The following TNFAIP3 variants were observed in gnomAD, a reference collection of about 807,000 sequenced individuals.
The protein encoded by TNFAIP3 is TNF alpha induced protein 3.
A neutral mutation model predicts 72.4 loss-of-function variants in TNFAIP3; 9 were observed. The observed-to-expected ratio is 0.12, with a 90% confidence interval of 0.07 to 0.22. The LOEUF is 0.22. TNFAIP3 is among the 10% of genes least tolerant of loss of function. The pLI is 1.00. For synonymous variants in TNFAIP3, 339 were observed against 372.6 expected (o/e 0.91, Z 1.04); for missense variants, 833 against 1,018.7 (o/e 0.82, Z 2.48).
At chr6:137,873,304 A>G (rs557965618) in intron 2 of TNFAIP3, among the ~76,000 whole-genome samples, 197 of 152,302 alleles carry the variant, frequency 1.3e-3, no homozygotes, top group Non-Finnish European at 2.2e-3. Context: ...GTGATTCACA[A>G]GTTTGCATTT....
At chr6:137,869,337 A>AGATGGATGGATGGATG (rs71009567) in intron 1 of TNFAIP3, among the ~76,000 whole-genome samples, 51 of 145,146 alleles carry the variant, frequency 3.5e-4, no homozygotes, top group East Asian at 1.2e-3. Context: ...ATGGATGGAT[A>AGATGGATGGATGGATG]GATGGATGGA....
At position 137,879,171 on chromosome 6, in the gene TNFAIP3, C is replaced by T. The variant is rs1371049929; in HGVS notation, c.1726C>T (p.Pro576Ser). 1 of 1,614,192 alleles carries T rather than the reference C, an allele frequency of 6.2e-7. No individual in the cohort carries two copies. The highest frequency in any genetic ancestry group is 1.7e-5 in the Admixed American group (1 of 60,028). Residue 576 changes from proline (P) to serine (S), a missense_variant, in exon 7 of 9, where the codon CCG becomes TCG. Coordinates refer to ENST00000612899, the MANE Select transcript of TNFAIP3 (RefSeq NM_001270508.2). ...DPSRLVRSPS[P>S]HSCHRAGNDA... ...CTCGCGGCTCGTCCGGAGCCCCTCCCCGCATTCTTGCCACAGAGCTGGAAA... is the reference window on the plus strand; with the variant it reads ...CTCGCGGCTCGTCCGGAGCCCCTCCTCGCATTCTTGCCACAGAGCTGGAAA...
chr6:137,875,020 T>C lies in TNFAIP3; in HGVS notation c.471T>C (p.Leu157=). 1 of 1,614,138 alleles carries C rather than the reference T, an allele frequency of 6.2e-7. No individual in the cohort carries two copies. Among genetic ancestry groups the C allele is most frequent in the African/African-American group, 1.3e-5 (1 of 75,060 alleles). The part of the protein sequence containing the change: ...LKSQEFVETG[L]CYDTRNWNDE... The stretch of plus-strand genomic sequence containing the variant: ...CTCAGGAATTTGTTGAAACGGGGCT[T>C]TGCTATGATACTCGGGTAGGTTTTT... Residue 157 remains leucine, a synonymous_variant, in exon 3 of 9, where the codon CTT becomes CTC. Coordinates refer to ENST00000612899, the MANE Select transcript of TNFAIP3 (RefSeq NM_001270508.2).
At chr6:137,878,340 C>A in intron 6 of TNFAIP3, 92 bp from the exon 7 acceptor site, 2 of 1,168,366 alleles carry the variant, frequency 1.7e-6, no homozygotes, top group Non-Finnish European at 2.4e-6. Flanking sequence ...CCATAATCCA[C>A]ATTCTAAAAC....
chr6:137,868,616 T>C (rs555224160), intron 1 of TNFAIP3, among the ~76,000 whole-genome samples: 2 of 152,236 alleles, frequency 1.3e-5, no homozygotes, highest in South Asian at 4.1e-4. Context: ...GGAGAAGAGT[T>C]TGAGTAACGG....
In TNFAIP3 at chr6:137,879,256, C is replaced by T. The variant is rs564646155; in HGVS notation, c.1811C>T (p.Thr604Met). 66 of 1,614,034 alleles carry T rather than the reference C, an allele frequency of 4.1e-5. No homozygotes were observed. Among genetic ancestry groups the T allele is most frequent in the Non-Finnish European group, 5.5e-5 (65 of 1,180,032 alleles). ...AARTPGDRTG[T>M]SKCRKAGCVY... ...CGGACTCCTGGGGACAGGACGGGGA[C>T]GAGCAAGTGCAGAAAAGCCGGCTGC... The change falls in exon 7 of 9, where the codon ACG becomes ATG. Residue 604 changes from threonine to methionine, a missense_variant. Thr to Met is a moderately conservative substitution (Grantham distance 81). Coordinates refer to ENST00000612899, the MANE Select transcript of TNFAIP3 (RefSeq NM_001270508.2).
At chr6:137,872,527 A>G (rs1776095395) in intron 2 of TNFAIP3, among the ~76,000 whole-genome samples, 1 of 152,174 alleles carries the variant, frequency 6.6e-6, no homozygotes, top group Non-Finnish European at 1.5e-5. Flanking sequence ...CTTCATTCAA[A>G]AGCCAAGTAC....
chr6:137,868,814 G>A (rs1287079618), intron 1 of TNFAIP3, among the ~76,000 whole-genome samples: 1 of 152,156 alleles, frequency 6.6e-6, no homozygotes, highest in Non-Finnish European at 1.5e-5. Context: ...TCTGGGCAGT[G>A]GGTTTTGATT....
intron 1 of TNFAIP3, among the ~76,000 whole-genome samples, chr6:137,868,427 T>C (rs144162409): frequency 2.6e-5 from 4 of 152,340 alleles, no homozygotes; most frequent in Admixed American, 6.5e-5. Context: ...AGCCAATGAA[T>C]GCTTCATTCT....
At chr6:137,870,297 GT>G (rs974346172) in intron 1 of TNFAIP3, among the ~76,000 whole-genome samples, 2 of 151,902 alleles carry the variant, frequency 1.3e-5, no homozygotes, top group African/African-American at 2.4e-5. Flanking sequence ...TTCATTTTTT[GT>G]TTTCGTAGAG....
chr6:137,880,005 T>G lies in TNFAIP3; in HGVS notation c.1907-66T>G, dbSNP rs1776391738. 5 of 1,433,882 alleles carry G rather than the reference T, an allele frequency of 3.5e-6. No homozygotes were observed. The South Asian group carries it at 4.7e-5, about 13-fold the overall frequency. The allele number at this position is 1,433,882 out of a possible 1,614,324, so 88.8% of individuals were successfully genotyped here. On this transcript the variant is annotated intron_variant, in intron 7 of 8. Coordinates refer to ENST00000612899, the MANE Select transcript of TNFAIP3 (RefSeq NM_001270508.2). ...ATTTGGAACCCATTTATTTCTCTAC[T>G]GTCAGCATCTCTGTATCGGTGGGGT... is the stretch of plus-strand genomic sequence containing the variant.
At chr6:137,880,632 C>G (rs999811769) in intron 8 of TNFAIP3, among the ~76,000 whole-genome samples, 1 of 57,486 alleles carries the variant, frequency 1.7e-5, no homozygotes, top group Non-Finnish European at 3.3e-5. Context: ...AGCGAACAGA[C>G]AGAGCTTCCC....
At chr6:137,878,379 C>A (rs2114495926) in intron 6 of TNFAIP3, 53 bp from the exon 7 acceptor site, 2 of 1,481,924 alleles carry the variant, frequency 1.3e-6, no homozygotes, top group African/African-American at 2.8e-5. Flanking sequence ...GATGTAAAAT[C>A]TTGTGTGTGA....
chr6:137,876,497 G>T (rs1312072242), intron 5 of TNFAIP3, among the ~76,000 whole-genome samples: 2 of 152,104 alleles, frequency 1.3e-5, no homozygotes, highest in Non-Finnish European at 2.9e-5. Context: ...CCAGGCTGGA[G>T]TGCAGTGGCA....
intron 2 of TNFAIP3, among the ~76,000 whole-genome samples, chr6:137,874,602 G>A (rs879329438): frequency 1.3e-5 from 2 of 152,148 alleles, no homozygotes; most frequent in Non-Finnish European, 2.9e-5. Flanking sequence ...CTAGAACCAA[G>A]GTCCCCTGGC....
chr6:137,872,564 G>A (rs549003893), intron 2 of TNFAIP3, among the ~76,000 whole-genome samples: 37 of 152,082 alleles, frequency 2.4e-4, no homozygotes, highest in Non-Finnish European at 4.0e-4. Flanking sequence ...TTTGACTTGG[G>A]TAACTTAGAG....
In TNFAIP3 at chr6:137,878,523, A is replaced by T; in HGVS notation, c.1078A>T (p.Ser360Cys). The T allele has an allele frequency of 1.9e-6, 3 of 1,614,270 alleles. No homozygotes were observed. The South Asian group carries it at 3.3e-5, about 18-fold the overall frequency. ...QHEYKKWQEN[S>C]EQGRREGHAQ... ...TGAGTACAAGAAATGGCAGGAAAAC[A>T]GCGAGCAGGGGAGGAGAGAGGGGCA... The change falls in exon 7 of 9, where the codon AGC (serine) becomes TGC (cysteine). Residue 360 changes from serine to cysteine, a missense_variant. By Grantham distance (112) the Ser-to-Cys change is moderately radical. This residue lies in a region of TNFAIP3 where 587 missense variants were observed against 657.8 expected (regional missense o/e 0.89). Transcript: ENST00000612899.
chr6:137,869,956 A>G (rs1776002345), intron 1 of TNFAIP3, among the ~76,000 whole-genome samples: 1 of 152,216 alleles, frequency 6.6e-6, no homozygotes, highest in Non-Finnish European at 1.5e-5. Context: ...ACAGTGTTCC[A>G]CACTGGAGAG....
Position 137,882,461 on chromosome 6 carries a change from A to T in TNFAIP3, c.*1142A>T, listed in dbSNP as rs1474757361. On this transcript the variant is annotated 3_prime_UTR_variant, in exon 9 of 9. Coordinates refer to ENST00000612899, the MANE Select transcript of TNFAIP3 (RefSeq NM_001270508.2). ...CACAGGGAGTAAATTGGCCTCTTTG[A>T]TACACTTTTGCTTGCCTCCCCAGGA... 4 of 232,830 alleles carry T rather than the reference A, an allele frequency of 1.7e-5. No individual in the cohort carries two copies. The highest frequency in any genetic ancestry group is 3.4e-5 in the Non-Finnish European group (4 of 117,822). 14.4% of individuals were successfully genotyped at this position (232,830 alleles called of 1,614,324 possible).
Sources: gnomAD v4.1 joint callset for allele counts (sites outside exome capture counted in the v4.1 genomes callset) on GRCh38, gnomAD v4.1.1 for gene constraint, gnomAD v4.1.1 regional missense constraint, MANE v1.5 for transcripts, NCBI Gene and HGNC (gene_info 2026-07-23, HGNC 2026-07-21) for gene names.